ZFHX3: variants seen among roughly 807,000 people sequenced by gnomAD.
ZFHX3 encodes the protein zinc finger homeobox 3.
In ZFHX3, 42 loss-of-function variants were observed where a neutral mutation model predicts 279.1. That is an observed-to-expected ratio of 0.15 (90% CI 0.12 to 0.19). ZFHX3 has a LOEUF of 0.19. ZFHX3 is among the 10% of genes least tolerant of loss of function. The pLI, the probability that ZFHX3 is intolerant of heterozygous loss-of-function variation, is 1.00. For missense variants in ZFHX3, 4,981 were observed against 4,754.0 expected, an observed-to-expected ratio of 1.05 and a Z score of -1.40; for synonymous variants, 2,293 against 1,957.8, an observed-to-expected ratio of 1.17 and a Z score of -4.52.
At chr16:73,469,542 G>C (rs1051910258) in intron 2 of ZFHX3, among the ~76,000 whole-genome samples, 2 of 152,078 alleles carry the variant, frequency 1.3e-5, no homozygotes, top group Non-Finnish European at 2.9e-5. Context: ...TTGAGCAGAA[G>C]TTCTCAAAGC....
intron 2 of ZFHX3, among the ~76,000 whole-genome samples, chr16:73,647,967 A>T (rs947632774): frequency 2.0e-5 from 3 of 152,214 alleles, no homozygotes; most frequent in Non-Finnish European, 2.9e-5. Context: ...AACAAAAAAA[A>T]ATTTTAACTG....
intron 1 of ZFHX3, among the ~76,000 whole-genome samples, chr16:73,806,895 A>T (rs2063003890): frequency 1.3e-5 from 2 of 152,142 alleles, no homozygotes; most frequent in African/African-American, 4.8e-5. Flanking sequence ...GGAATCCATC[A>T]TCCCATCAGC....
At chr16:73,883,112 GGTT>G (rs2030227345) in intron 1 of ZFHX3, among the ~76,000 whole-genome samples, 1 of 151,390 alleles carries the variant, frequency 6.6e-6, no homozygotes. Context: ...GTGGTTTTTT[GGTT>G]GTTGTTTTTC....
chr16:73,521,647 C>G (rs1353346257), intron 2 of ZFHX3, among the ~76,000 whole-genome samples: 2 of 151,896 alleles, frequency 1.3e-5, no homozygotes, highest in Non-Finnish European at 2.9e-5. Context: ...GGGTGGAAAT[C>G]TGGGAAAACT....
chr16:72,937,312 C>T (rs368669383), intron 3 of ZFHX3, among the ~76,000 whole-genome samples: 18 of 152,128 alleles, frequency 1.2e-4, no homozygotes, highest in African/African-American at 4.1e-4. Flanking sequence ...TGGGACAAGC[C>T]TGGGGGCATA....
intron 8 of ZFHX3, among the ~76,000 whole-genome samples, chr16:73,088,874 C>T (rs918071165): frequency 6.6e-6 from 1 of 152,090 alleles, no homozygotes; most frequent in Admixed American, 6.5e-5. Flanking sequence ...CTACATAGAT[C>T]CTGAAAGGGA....
chr16:73,293,240 G>A (rs1898504954), intron 4 of ZFHX3, among the ~76,000 whole-genome samples: 1 of 152,146 alleles, frequency 6.6e-6, no homozygotes, highest in Non-Finnish European at 1.5e-5. Flanking sequence ...GGCAATACCA[G>A]AGTCACAGCT....
Position 72,961,144 on chromosome 16 carries a change from G to T in ZFHX3, c.-49-950C>A, listed in dbSNP as rs535250252. Among the ~76,000 whole-genome samples, 3 of 152,300 alleles carry T rather than the reference G, an allele frequency of 2.0e-5. No homozygotes were observed. The South Asian group carries it at 6.2e-4, about 32-fold the overall frequency. On this transcript the variant is annotated intron_variant, in intron 1 of 9. Transcript: ENST00000268489. ...CAGCTTCTATCTGGCCCTGGCTGGA[G>T]GGAGTGCGTTCCCCACGTGCCTGGT...
At chr16:73,814,593 G>C in intron 1 of ZFHX3, among the ~76,000 whole-genome samples, 1 of 148,928 alleles carries the variant, frequency 6.7e-6, no homozygotes, top group South Asian at 2.1e-4. Flanking sequence ...TTGAGATGGA[G>C]TTTCGCTCTT....
At chr16:73,219,280 G>C (rs1196541748) in intron 5 of ZFHX3, among the ~76,000 whole-genome samples, 1 of 151,964 alleles carries the variant, frequency 6.6e-6, no homozygotes, top group Non-Finnish European at 1.5e-5. Context: ...GACCTATGCT[G>C]TTGTGATTGT....
intron 2 of ZFHX3, among the ~76,000 whole-genome samples, chr16:73,478,434 C>T (rs906554376): frequency 1.3e-5 from 2 of 152,038 alleles, no homozygotes; most frequent in African/African-American, 4.8e-5. Context: ...AATAACAGCA[C>T]TTTGTTAAAA....
chr16:73,510,765 T>C (rs936856414), intron 2 of ZFHX3, among the ~76,000 whole-genome samples: 1 of 152,234 alleles, frequency 6.6e-6, no homozygotes, highest in Non-Finnish European at 1.5e-5. Flanking sequence ...TTTCACCTCT[T>C]GTTCTAGGAA....
chr16:73,669,246 G>A (rs769761154), intron 2 of ZFHX3, among the ~76,000 whole-genome samples: 6 of 151,996 alleles, frequency 3.9e-5, no homozygotes, highest in Admixed American at 3.3e-4. Context: ...TAGAGATGGG[G>A]TTTCACCATG....
intron 1 of ZFHX3, among the ~76,000 whole-genome samples, chr16:73,018,342 T>C (rs1394125604): frequency 1.3e-5 from 2 of 149,612 alleles, no homozygotes; most frequent in Non-Finnish European, 3.0e-5. Flanking sequence ...GTGTGGTGGC[T>C]CACGCCTGTC....
chr16:73,122,158 G>C (rs973683972), intron 7 of ZFHX3, among the ~76,000 whole-genome samples: 3 of 151,978 alleles, frequency 2.0e-5, no homozygotes, highest in Non-Finnish European at 4.4e-5. Flanking sequence ...TTAATTAATG[G>C]ATAGCCACAT....
chr16:73,563,169 G>A (rs889859561), intron 2 of ZFHX3, among the ~76,000 whole-genome samples: 2 of 108,912 alleles, frequency 1.8e-5, no homozygotes, highest in Non-Finnish European at 3.6e-5. Flanking sequence ...TTTTTGTTTT[G>A]TTGTGTGTGT....
At chr16:73,811,855 G>A (rs1212513475) in intron 1 of ZFHX3, among the ~76,000 whole-genome samples, 1 of 152,166 alleles carries the variant, frequency 6.6e-6, no homozygotes, top group Non-Finnish European at 1.5e-5. Context: ...TGGGAGACAT[G>A]TCCAATTCCC....
At chr16:73,715,158 G>A (rs1224008745) in intron 1 of ZFHX3, among the ~76,000 whole-genome samples, 1 of 152,122 alleles carries the variant, frequency 6.6e-6, no homozygotes, top group Non-Finnish European at 1.5e-5. Context: ...AATTCTGACT[G>A]CCGGCATCCC....
chr16:73,631,975 CTAATTA>C (rs766825169), intron 2 of ZFHX3, among the ~76,000 whole-genome samples: 8 of 149,260 alleles, frequency 5.4e-5, no homozygotes, highest in Non-Finnish European at 8.9e-5. Context: ...TTTTGCATCT[CTAATTA>C]TAAGTAACAT....
Sources: allele counts gnomAD v4.1 joint callset (sites outside exome capture counted in the v4.1 genomes callset), GRCh38; gene constraint gnomAD v4.1.1; transcripts MANE v1.5; gene names NCBI Gene and HGNC (gene_info 2026-07-23, HGNC 2026-07-21).